Variants in NCKIPSD observed in about 807,000 individuals in gnomAD.
NCKIPSD encodes NCK interacting protein with SH3 domain.
NCKIPSD carries 48 observed loss-of-function variants against 73.4 expected under a neutral mutation model. The observed-to-expected ratio is 0.65, with a 90% CI of 0.52 to 0.83. NCKIPSD has a LOEUF of 0.83. Ranked by LOEUF, NCKIPSD falls within the 40% of genes least tolerant of loss-of-function variation. NCKIPSD has a pLI of 0.00. For synonymous variants in NCKIPSD, 422 were observed against 403.6 expected (o/e 1.05, Z -0.54); for missense variants, 884 against 970.2 (o/e 0.91, Z 1.18).
chr3:48,685,505 T>C, intron 1 of NCKIPSD, 132 bp downstream of exon 1: 2 of 1,210,864 alleles, frequency 1.7e-6, no homozygotes, highest in South Asian at 3.3e-5. Context: ...GGTCAGGTTC[T>C]CAAACTCCCT....
chr3:48,682,642 C>T, intron 2 of NCKIPSD, 90 bp from the exon 3 acceptor site: 1 of 1,438,720 alleles, frequency 7.0e-7, no homozygotes, highest in Non-Finnish European at 9.6e-7. Context: ...ACCCCATAGC[C>T]CAGGCCCCTC....
Position 48,685,787 on chromosome 3 carries a change from C to G in NCKIPSD, c.21G>C (p.Ala7=). 1 of 1,519,236 alleles carries G rather than the reference C, an allele frequency of 6.6e-7. No individual in the cohort carries two copies. The highest frequency in any genetic ancestry group is 1.2e-5 in the South Asian group (1 of 81,412). 94.1% of individuals were successfully genotyped at this position (1,519,236 alleles called of 1,614,324 possible). ...GCGCGTTGGGCTCCGCCGAGCGGAA[C>G]GCGTACAGCGCGCGGTACATGAGGC... MYRALY[A]FRSAEPNALA... Residue 7 remains alanine (A), a synonymous_variant, in exon 1 of 13, where the codon GCG becomes GCC. Coordinates refer to ENST00000294129, the MANE Select transcript of NCKIPSD (RefSeq NM_016453.4).
At chr3:48,681,185 G>T in intron 5 of NCKIPSD, 102 bp downstream of exon 5, 1 of 1,466,604 alleles carries the variant, frequency 6.8e-7, no homozygotes. Flanking sequence ...AGAGCTCAGA[G>T]CCAGAGCTTG....
chr3:48,678,920 G>C lies in NCKIPSD; in HGVS notation c.1749C>G (p.Val583=), dbSNP rs11545752. 1 of 1,614,060 alleles carries C rather than the reference G, an allele frequency of 6.2e-7. No individual in the cohort carries two copies. Among genetic ancestry groups the C allele is most frequent in the Non-Finnish European group, 8.5e-7 (1 of 1,180,020 alleles). ...IMAALSKHAN[V]KIFSEKLLLL... ...ACAACAGCTTCTCGGAGAAGATCTT[G>C]ACATTGGCGTGTTTGCTCAGGGCAG... The change falls in exon 11 of 13, where the codon GTC becomes GTG. Residue 583 remains valine, a synonymous_variant. Transcript: ENST00000294129.
chr3:48,676,307 C>A (rs1010389709), intron 12 of NCKIPSD, among the ~76,000 whole-genome samples: 2 of 152,174 alleles, frequency 1.3e-5, no homozygotes, highest in African/African-American at 4.8e-5. Context: ...CCTGTCCCTA[C>A]CAGAATGAGC....
chr3:48,681,945 T>C (rs1036322964), intron 4 of NCKIPSD, 100 bp downstream of exon 4: 1 of 1,493,376 alleles, frequency 6.7e-7, no homozygotes, highest in African/African-American at 1.4e-5. Flanking sequence ...AGTCCTGTCC[T>C]CTTCCCCAGC....
At position 48,682,952 on chromosome 3, in the gene NCKIPSD, C is replaced by T. The variant is rs909035099; in HGVS notation, c.232G>A (p.Ala78Thr). ...CTGTACTTGCCACCATCCCGCATGGCTGTGTTGTGTACAGCCTCGATGGCC... is the reference window on the plus strand; with the variant it reads ...CTGTACTTGCCACCATCCCGCATGGTTGTGTTGTGTACAGCCTCGATGGCC... Reference protein sequence around the residue: ...DRAIEAVHNTAMRDGGKYSLE... With the variant: ...DRAIEAVHNTTMRDGGKYSLE... The change falls in exon 2 of 13, where the codon GCC becomes ACC. Residue 78 changes from alanine (A) to threonine (T), a missense_variant. Coordinates refer to ENST00000294129, the MANE Select transcript of NCKIPSD (RefSeq NM_016453.4). 1 of 1,553,170 alleles carries T rather than the reference C, an allele frequency of 6.4e-7. No homozygotes were observed. Among genetic ancestry groups the T allele is most frequent in the Non-Finnish European group, 8.7e-7 (1 of 1,148,478 alleles).
At position 48,679,458 on chromosome 3, in the gene NCKIPSD, C is replaced by T. The variant is rs201309705; in HGVS notation, c.1490-1G>A. ...GCAGAGTAACAGAGTTTCTGGTGGT[C>T]TGGGGGGGACAAGGCAGGCAGTCAG... On this transcript the variant is annotated splice_acceptor_variant, in intron 8 of 12. Coordinates refer to ENST00000294129, the MANE Select transcript of NCKIPSD (RefSeq NM_016453.4). LOFTEE classifies it high-confidence loss of function. 2 of 1,611,210 alleles carry T rather than the reference C, an allele frequency of 1.2e-6. No individual in the cohort carries two copies. The highest frequency in any genetic ancestry group is 1.7e-6 in the Non-Finnish European group (2 of 1,178,158).
At chr3:48,682,207 A>G (rs2077366492) in intron 3 of NCKIPSD, 51 bp from the exon 4 acceptor site, 9 of 1,569,564 alleles carry the variant, frequency 5.7e-6, no homozygotes, top group Non-Finnish European at 6.9e-6. Context: ...CTAGAGCGTC[A>G]GCGAGGCTCG....
chr3:48,681,119 T>C (rs2077344737), intron 5 of NCKIPSD, 168 bp downstream of exon 5: 5 of 1,086,580 alleles, frequency 4.6e-6, no homozygotes, highest in Non-Finnish European at 6.5e-6. Flanking sequence ...CTGGAATGCT[T>C]GTCCTTCCTT....
At chr3:48,683,237 G>T (rs941232500) in intron 1 of NCKIPSD, among the ~76,000 whole-genome samples, 1 of 152,196 alleles carries the variant, frequency 6.6e-6, no homozygotes, top group Admixed American at 6.5e-5. Context: ...TTACATATTA[G>T]GTCCTGATCA....
Position 48,679,357 on chromosome 3 carries a change from G to C in NCKIPSD, c.1570+20C>G. On this transcript the variant is annotated intron_variant, in intron 9 of 12. Coordinates refer to ENST00000294129, the MANE Select transcript of NCKIPSD (RefSeq NM_016453.4). ...CTGGCTTAGGACCTGTGATCAGCTGGTCGGTTACTGCATTCTTACCATAGT... is the reference window on the plus strand; with the variant it reads ...CTGGCTTAGGACCTGTGATCAGCTGCTCGGTTACTGCATTCTTACCATAGT... 1.1e-5 allele frequency: 18 copies of C among 1,614,040 alleles called. No individual in the cohort carries two copies. Among genetic ancestry groups the C allele is most frequent in the Non-Finnish European group, 1.4e-5 (17 of 1,179,954 alleles).
intron 1 of NCKIPSD, among the ~76,000 whole-genome samples, chr3:48,684,714 G>A (rs899374779): frequency 1.3e-5 from 2 of 152,138 alleles, no homozygotes; most frequent in South Asian, 2.1e-4. Flanking sequence ...CCCAACCCCC[G>A]CAGCAGGGCT....
At chr3:48,679,780 T>A (rs1411669456) in intron 7 of NCKIPSD, 21 bp downstream of exon 7, 6 of 1,613,966 alleles carry the variant, frequency 3.7e-6, no homozygotes, top group Non-Finnish European at 5.1e-6. Context: ...CCATTACCCC[T>A]CCCCTCCATC....
At chr3:48,678,488 C>T in intron 12 of NCKIPSD, 76 bp downstream of exon 12, 1 of 1,492,876 alleles carries the variant, frequency 6.7e-7, no homozygotes, top group Non-Finnish European at 9.0e-7. Context: ...CTCATCTCCA[C>T]TCAATGTCAT....
Position 48,674,604 on chromosome 3 carries a change from G to A in NCKIPSD, c.2109C>T (p.Asp703=), listed in dbSNP as rs1199565047. 1.9e-6 allele frequency: 3 copies of A among 1,611,222 alleles called. No individual in the cohort carries two copies. Among genetic ancestry groups the A allele is most frequent in the Non-Finnish European group, 2.5e-6 (3 of 1,178,756 alleles). Reference sequence around the variant, plus strand: ...TGCACATCTCTCGGACAATCATGCGGTCCATCTGGCACTGGGGTGAGGTCT... The same window carrying A: ...TGCACATCTCTCGGACAATCATGCGATCCATCTGGCACTGGGGTGAGGTCT... ...EEETSPQCQM[D]RMIVREMCKE... Residue 703 remains aspartate (D), a synonymous_variant, in exon 13 of 13, where the codon GAC becomes GAT. Coordinates refer to ENST00000294129, the MANE Select transcript of NCKIPSD (RefSeq NM_016453.4).
At chr3:48,685,132 G>A (rs1426049487) in intron 1 of NCKIPSD, among the ~76,000 whole-genome samples, 1 of 147,658 alleles carries the variant, frequency 6.8e-6, no homozygotes, top group Admixed American at 6.8e-5. Flanking sequence ...TGTCCAAGGT[G>A]GTCCAGGTCT....
In NCKIPSD at chr3:48,679,108, T is replaced by C. The variant is rs1401433366; in HGVS notation, c.1646A>G (p.Gln549Arg). 2 of 1,614,012 alleles carry C rather than the reference T, an allele frequency of 1.2e-6. No homozygotes were observed. Among genetic ancestry groups the C allele is most frequent in the Admixed American group, 1.7e-5 (1 of 60,006 alleles). Residue 549 changes from glutamine (Q) to arginine (R), a missense_variant, in exon 10 of 13, where the codon CAG (glutamine) becomes CGG (arginine). Transcript: ENST00000294129. ...EDGLPLDTTE[Q>R]LPDLCVNLLL... Reference sequence around the variant, plus strand: ...CAGGTTCACGCAGAGGTCCGGCAGCTGCTCTGTGGTGTCCAAGGGCAGCCC... The same window carrying C: ...CAGGTTCACGCAGAGGTCCGGCAGCCGCTCTGTGGTGTCCAAGGGCAGCCC...
At chr3:48,679,310 C>G in intron 9 of NCKIPSD, 67 bp downstream of exon 9, 3 of 1,610,908 alleles carry the variant, frequency 1.9e-6, no homozygotes, top group Non-Finnish European at 2.5e-6. Context: ...TCAGCAGGTC[C>G]CAGGCCCTCG....
Sources: allele counts gnomAD v4.1 joint callset (sites outside exome capture counted in the v4.1 genomes callset), GRCh38; gene constraint gnomAD v4.1.1; transcripts MANE v1.5; gene names NCBI Gene and HGNC (gene_info 2026-07-23, HGNC 2026-07-21).